Variants in DLGAP1 observed in about 807,000 individuals in gnomAD.
DLGAP1 encodes DLG associated protein 1.
In DLGAP1, 11 loss-of-function variants were observed where a neutral mutation model predicts 90.8. That is an observed-to-expected ratio of 0.12 (90% confidence interval 0.08 to 0.20). The LOEUF is 0.20. Among genes scored for constraint, DLGAP1 ranks in the 10% least tolerant of loss-of-function variants. DLGAP1 has a pLI of 1.00. For synonymous variants in DLGAP1, 558 were observed against 540.7 expected (o/e 1.03, Z -0.44); for missense variants, 1,050 against 1,333.8 (o/e 0.79, Z 3.31).
At chr18:3,866,037 A>G (rs770160025) in intron 4 of DLGAP1, among the ~76,000 whole-genome samples, 3 of 152,162 alleles carry the variant, frequency 2.0e-5, no homozygotes, top group Non-Finnish European at 4.4e-5. Context: ...AAAAAAGTCA[A>G]TTCCTCTTTT....
intron 7 of DLGAP1, among the ~76,000 whole-genome samples, chr18:3,638,300 T>G (rs1484553543): frequency 6.8e-6 from 1 of 146,936 alleles, no homozygotes; most frequent in East Asian, 2.0e-4. Flanking sequence ...TAGGCTGGAG[T>G]GCAGTGGTGC....
rs114033084 is a variant in DLGAP1, at chr18:4,415,577, T to C, written c.-267+39429A>G. ...CAAGTTTCTAAAAACAAATATTAAC[T>C]TTTTTTACTATAATTGGTTCACTTA... On this transcript the variant is annotated intron_variant, in intron 1 of 12. Transcript: ENST00000315677. 5.2e-3 allele frequency among the ~76,000 whole-genome samples: 786 copies of C among 152,280 alleles called. 5 individuals carry two copies. Among genetic ancestry groups the C allele is most frequent in the African/African-American group, 0.017 (698 of 41,566 alleles).
intron 6 of DLGAP1, among the ~76,000 whole-genome samples, chr18:3,738,778 A>T (rs1486026111): frequency 6.7e-6 from 1 of 149,604 alleles, no homozygotes. Context: ...GACAAATGGG[A>T]TCTAATTAAA....
intron 3 of DLGAP1, among the ~76,000 whole-genome samples, chr18:3,979,086 A>G (rs2149026481): frequency 6.6e-6 from 1 of 152,344 alleles, no homozygotes; most frequent in South Asian, 2.1e-4. Context: ...TTTGCACAAC[A>G]TGGATGAACT....
Position 3,858,195 on chromosome 18 carries a change from A to C in DLGAP1, c.957+20917T>G, listed in dbSNP as rs1265849722. Among the ~76,000 whole-genome samples, 4 of 152,142 alleles carry C rather than the reference A, an allele frequency of 2.6e-5. No homozygotes were observed. In the East Asian group the frequency reaches 7.7e-4, roughly 29 times the overall value. On this transcript the variant is annotated intron_variant, in intron 4 of 12. Coordinates refer to ENST00000315677, the MANE Select transcript of DLGAP1 (RefSeq NM_004746.4). ...TATTGACAGGCACCCAATTTTTCAA[A>C]CTATAAATTTTTCATCATTTTTACT...
intron 1 of DLGAP1, among the ~76,000 whole-genome samples, chr18:4,172,999 A>G (rs2077048541): frequency 6.6e-6 from 1 of 152,218 alleles, no homozygotes; most frequent in South Asian, 2.1e-4. Context: ...CTTTTCTTCA[A>G]CCATTTATTT....
intron 1 of DLGAP1, among the ~76,000 whole-genome samples, chr18:4,238,833 A>T (rs1323934917): frequency 6.6e-6 from 1 of 152,180 alleles, no homozygotes; most frequent in Non-Finnish European, 1.5e-5. Flanking sequence ...CCTGCATCCA[A>T]ATTACTTGGA....
chr18:3,788,266 G>GA (rs1360769037), intron 5 of DLGAP1, among the ~76,000 whole-genome samples: 2 of 152,180 alleles, frequency 1.3e-5, no homozygotes, highest in Non-Finnish European at 2.9e-5. Context: ...ATCGTATCGG[G>GA]AAAAGATGAT....
chr18:4,035,164 A>G (rs1463827581), intron 2 of DLGAP1, among the ~76,000 whole-genome samples: 1 of 152,208 alleles, frequency 6.6e-6, no homozygotes, highest in Non-Finnish European at 1.5e-5. Context: ...TTATAGCAGC[A>G]TGATTTATAA....
intron 5 of DLGAP1, among the ~76,000 whole-genome samples, chr18:3,746,375 G>T (rs924888731): frequency 6.6e-6 from 1 of 151,898 alleles, no homozygotes; most frequent in Non-Finnish European, 1.5e-5. Context: ...AATAAAGAAG[G>T]CCTAAAGAAA....
At chr18:4,410,883 A>G (rs958216580) in intron 1 of DLGAP1, among the ~76,000 whole-genome samples, 10 of 152,184 alleles carry the variant, frequency 6.6e-5, no homozygotes, top group African/African-American at 2.4e-4. Context: ...CCCCACTTCA[A>G]CCTGAGGTAA....
At chr18:3,659,781 G>C (rs1191691514) in intron 7 of DLGAP1, among the ~76,000 whole-genome samples, 2 of 152,124 alleles carry the variant, frequency 1.3e-5, no homozygotes, top group Non-Finnish European at 2.9e-5. Context: ...GGCCAGGATG[G>C]TCTTGATCTC....
At chr18:4,227,170 A>G (rs1034808608) in intron 1 of DLGAP1, among the ~76,000 whole-genome samples, 1 of 152,066 alleles carries the variant, frequency 6.6e-6, no homozygotes, top group African/African-American at 2.4e-5. Context: ...AATTGTAAAT[A>G]TATATGCACC....
chr18:3,671,315 C>G (rs2060082477), intron 7 of DLGAP1, among the ~76,000 whole-genome samples: 1 of 151,950 alleles, frequency 6.6e-6, no homozygotes, highest in Non-Finnish European at 1.5e-5. Context: ...CTTTACAGTA[C>G]TTGTAGCAAC....
At chr18:4,150,500 C>T (rs2144396503) in intron 2 of DLGAP1, among the ~76,000 whole-genome samples, 1 of 152,296 alleles carries the variant, frequency 6.6e-6, no homozygotes. Flanking sequence ...AAGCGATTCT[C>T]CTGCCTTAGT....
At chr18:3,706,304 G>C (rs1437172487) in intron 7 of DLGAP1, among the ~76,000 whole-genome samples, 1 of 152,096 alleles carries the variant, frequency 6.6e-6, no homozygotes, top group Non-Finnish European at 1.5e-5. Context: ...GGCAAATGGT[G>C]CATTTTTCAC....
chr18:4,270,646 T>C (rs2079257517), intron 1 of DLGAP1, among the ~76,000 whole-genome samples: 1 of 152,098 alleles, frequency 6.6e-6, no homozygotes, highest in Non-Finnish European at 1.5e-5. Context: ...ACTTACACTG[T>C]CCCATCCCTC....
chr18:4,035,454 A>C (rs1282446082), intron 2 of DLGAP1, among the ~76,000 whole-genome samples: 1 of 152,226 alleles, frequency 6.6e-6, no homozygotes, highest in Non-Finnish European at 1.5e-5. Flanking sequence ...TAAGTCATAT[A>C]TGATGTTTTG....
At chr18:3,906,270 CT>C (rs1230072481) in intron 3 of DLGAP1, among the ~76,000 whole-genome samples, 9 of 152,310 alleles carry the variant, frequency 5.9e-5, no homozygotes, top group African/African-American at 2.2e-4. Flanking sequence ...CTGCTTTGTC[CT>C]TTGCCCATCA....
Sources: allele counts gnomAD v4.1 joint callset (sites outside exome capture counted in the v4.1 genomes callset), GRCh38; gene constraint gnomAD v4.1.1; transcripts MANE v1.5; gene names NCBI Gene and HGNC (gene_info 2026-07-23, HGNC 2026-07-21).